Variants in JARID2 observed in about 807,000 individuals in gnomAD.
JARID2 encodes the protein jumonji and AT-rich interaction domain containing 2, also known as protein Jumonji.
In JARID2, 21 loss-of-function variants were observed where a neutral mutation model predicts 125.6. The ratio of observed to expected loss-of-function variants is 0.17; its 90% CI spans 0.12 to 0.24. The LOEUF is 0.24. Among genes scored for constraint, JARID2 ranks in the 10% least tolerant of loss-of-function variants. The pLI is 1.00. For missense variants in JARID2, 1,303 were observed against 1,639.6 expected (o/e 0.79, Z 3.55); for synonymous variants, 736 against 661.6 (o/e 1.11, Z -1.73).
intron 3 of JARID2, among the ~76,000 whole-genome samples, chr6:15,446,114 G>A (rs115914472): frequency 0.013 from 1,993 of 152,284 alleles, 48 homozygotes; most frequent in African/African-American, 0.045. Context: ...GATACCATGT[G>A]TGTACTGTAT....
At chr6:15,464,328 C>T (rs1013411414) in intron 4 of JARID2, among the ~76,000 whole-genome samples, 1 of 152,156 alleles carries the variant, frequency 6.6e-6, no homozygotes, top group African/African-American at 2.4e-5. Context: ...GCATGTGCAG[C>T]GTTAGACTCT....
intron 2 of JARID2, chr6:15,400,762 C>T: frequency 1.0e-6 from 1 of 981,446 alleles, no homozygotes; most frequent in African/African-American, 1.7e-5. Context: ...TGGCTGCCTC[C>T]CCTCCCCCTC....
At chr6:15,478,437 G>A (rs543901790) in intron 5 of JARID2, among the ~76,000 whole-genome samples, 8 of 152,102 alleles carry the variant, frequency 5.3e-5, no homozygotes, top group South Asian at 2.1e-4. Flanking sequence ...TAGTTTTTTC[G>A]TGCTAATGTT....
intron 1 of JARID2, among the ~76,000 whole-genome samples, chr6:15,332,930 C>CTTTTTTTTTT (rs1319288795): frequency 2.7e-4 from 22 of 82,798 alleles, no homozygotes; most frequent in African/African-American, 4.5e-4. Flanking sequence ...CTTTTCTTTT[C>CTTTTTTTTTT]TTTTCTTTTT....
chr6:15,254,766 G>A (rs374642961), intron 1 of JARID2, among the ~76,000 whole-genome samples: 1 of 152,118 alleles, frequency 6.6e-6, no homozygotes, highest in African/African-American at 2.4e-5. Context: ...AGGGCCGGGC[G>A]CGGTGGCTCA....
chr6:15,383,786 T>C (rs1307406261), intron 2 of JARID2, among the ~76,000 whole-genome samples: 2 of 152,128 alleles, frequency 1.3e-5, no homozygotes, highest in Non-Finnish European at 1.5e-5. Flanking sequence ...GCTTGACTGC[T>C]GCATTTTGAT....
chr6:15,327,181 C>T (rs893468876), intron 1 of JARID2, among the ~76,000 whole-genome samples: 1 of 152,110 alleles, frequency 6.6e-6, no homozygotes, highest in African/African-American at 2.4e-5. Context: ...GGGGTTGGTG[C>T]TGTTTCTTTT....
At chr6:15,468,852 T>A in intron 5 of JARID2, 134 bp downstream of exon 5, 1 of 781,886 alleles carries the variant, frequency 1.3e-6, no homozygotes, top group Non-Finnish European at 2.0e-6. Flanking sequence ...AGACACTTCA[T>A]GGGCAAAGGG....
At chr6:15,322,775 G>A (rs891352737) in intron 1 of JARID2, among the ~76,000 whole-genome samples, 1 of 152,160 alleles carries the variant, frequency 6.6e-6, no homozygotes, top group Non-Finnish European at 1.5e-5. Flanking sequence ...GTGAACCCTG[G>A]GGGTAGCAGT....
At chr6:15,455,985 G>GTT (rs1768158486) in intron 4 of JARID2, among the ~76,000 whole-genome samples, 1 of 152,228 alleles carries the variant, frequency 6.6e-6, no homozygotes, top group African/African-American at 2.4e-5. Context: ...TCATTAGGAT[G>GTT]TCTGAAGATT....
At chr6:15,447,494 A>G (rs1304961302) in intron 3 of JARID2, among the ~76,000 whole-genome samples, 1 of 152,208 alleles carries the variant, frequency 6.6e-6, no homozygotes, top group Non-Finnish European at 1.5e-5. Flanking sequence ...CATCCTGACT[A>G]CATGCAAGGC....
At chr6:15,370,462 A>G (rs939930263) in intron 1 of JARID2, among the ~76,000 whole-genome samples, 2 of 151,278 alleles carry the variant, frequency 1.3e-5, no homozygotes, top group African/African-American at 4.9e-5. Context: ...CTCAGCCTCC[A>G]GAGTAGCTGG....
chr6:15,507,488 G>C lies in JARID2; in HGVS notation c.2731+72G>C, dbSNP rs149059574. On this transcript the variant is annotated intron_variant, in intron 11 of 17. Transcript: ENST00000341776. Reference sequence around the variant, plus strand: ...TCCTACTTGCTGAGAACCAGGGCTGGGAAATCCCTTCTAAGCACTGCCGGG... The same window carrying C: ...TCCTACTTGCTGAGAACCAGGGCTGCGAAATCCCTTCTAAGCACTGCCGGG... 3.3e-5 allele frequency: 44 copies of C among 1,323,322 alleles called. No individual in the cohort carries two copies. The Admixed American group carries it at 7.6e-4, about 23-fold the overall frequency. The allele number at this position is 1,323,322 out of a possible 1,614,324, so 82.0% of individuals were successfully genotyped here.
At chr6:15,479,929 G>T (rs1769529825) in intron 5 of JARID2, among the ~76,000 whole-genome samples, 3 of 152,246 alleles carry the variant, frequency 2.0e-5, no homozygotes, top group African/African-American at 4.8e-5. Flanking sequence ...ACATTCCATT[G>T]TTTTCAGACA....
intron 1 of JARID2, among the ~76,000 whole-genome samples, chr6:15,255,130 T>C (rs990282507): frequency 6.0e-5 from 9 of 149,012 alleles, no homozygotes; most frequent in African/African-American, 2.2e-4. Context: ...ATTGGTAAAC[T>C]AGGAATTCTT....
At chr6:15,451,866 GAT>G in intron 3 of JARID2, 138 bp from the exon 4 acceptor site, 1 of 805,476 alleles carries the variant, frequency 1.2e-6, no homozygotes, top group South Asian at 1.9e-5. Flanking sequence ...GAGTGTGAGA[GAT>G]ATAGAACCTT....
At position 15,521,330 on chromosome 6, in the gene JARID2, CA is replaced by C. The variant is rs1771838712; in HGVS notation, c.*1084del. On this transcript the variant is annotated 3_prime_UTR_variant, in exon 18 of 18. Coordinates refer to ENST00000341776, the MANE Select transcript of JARID2 (RefSeq NM_004973.4). ...TCTATTTTTTCTCTTCATGTTGTAA[CA>C]AAAAGGAAAAAAGAAAAAAAAATCC... 1 of 117,682 alleles carries C rather than the reference CA, an allele frequency of 8.5e-6. No individual in the cohort carries two copies. Among genetic ancestry groups the C allele is most frequent in the Admixed American group, 9.8e-5 (1 of 10,194 alleles). 7.3% of individuals were successfully genotyped at this position (117,682 alleles called of 1,614,324 possible).
At chr6:15,304,642 A>G (rs55634912) in intron 1 of JARID2, among the ~76,000 whole-genome samples, 5,546 of 152,140 alleles carry the variant, frequency 0.036, 154 homozygotes, top group South Asian at 0.11. Flanking sequence ...CAATCAACAA[A>G]TATTTATTGA....
intron 4 of JARID2, among the ~76,000 whole-genome samples, chr6:15,456,731 A>G (rs922710491): frequency 2.6e-5 from 4 of 152,066 alleles, no homozygotes; most frequent in Admixed American, 2.6e-4. Context: ...TCTATCTAGG[A>G]TATCTAGATA....
Sources: gnomAD v4.1 joint callset for allele counts (sites outside exome capture counted in the v4.1 genomes callset) on GRCh38, gnomAD v4.1.1 for gene constraint, MANE v1.5 for transcripts, NCBI Gene and HGNC (gene_info 2026-07-23, HGNC 2026-07-21) for gene names.